The following TARBP1 variants were observed in gnomAD, a reference collection of about 807,000 sequenced individuals.
TARBP1 encodes the protein tRNA (guanosine(18)-2'-O)-methyltransferase TARBP1.
A neutral mutation model predicts 178.6 loss-of-function variants in TARBP1; 144 were observed. That is an observed-to-expected ratio of 0.81 (90% confidence interval 0.70 to 0.93). The LOEUF is 0.93. Ranked by LOEUF, TARBP1 falls within the 40% of genes least tolerant of loss-of-function variation. The probability of loss-of-function intolerance (pLI) is 0.00; values close to 1 mark genes in which losing one functional copy is unlikely to be tolerated. For synonymous variants in TARBP1, 787 were observed against 781.0 expected (o/e 1.01, Z -0.13); for missense variants, 2,067 against 2,011.7 (o/e 1.03, Z -0.53).
In TARBP1 at chr1:234,429,551, A is replaced by C. The variant is rs1276481749; in HGVS notation, c.2736T>G (p.Ser912Arg). 1 of 1,613,874 alleles carries C rather than the reference A, an allele frequency of 6.2e-7. No individual in the cohort carries two copies. The highest frequency in any genetic ancestry group is 1.3e-5 in the African/African-American group (1 of 74,818). The change falls in exon 16 of 30, where the codon AGT (serine) becomes AGG (arginine). Residue 912 changes from serine to arginine, a missense_variant. Ser to Arg is a moderately radical substitution (Grantham distance 110). Transcript: ENST00000040877. ...KYHTLIPTTGSEILEPFLPAV... is the reference protein window; with the variant it reads ...KYHTLIPTTGREILEPFLPAV... The stretch of plus-strand genomic sequence containing the variant: ...CAGGTAGAAACGGTTCCAGAATTTC[A>C]CTCCCTGTGGTTGGTATAAGGGTGT...
At chr1:234,416,764 G>T (rs1237853963) in intron 22 of TARBP1, among the ~76,000 whole-genome samples, 1 of 152,200 alleles carries the variant, frequency 6.6e-6, no homozygotes, top group Non-Finnish European at 1.5e-5. Context: ...AAAGACATCA[G>T]AAAGGGGAGC....
Position 234,472,828 on chromosome 1 carries a change from A to C in TARBP1, c.932-17T>G, listed in dbSNP as rs777791108. On this transcript the variant is annotated splice_polypyrimidine_tract_variant and intron_variant, in intron 1 of 29. Transcript: ENST00000040877. ...GACTTGGGCCTGATATGGTTTAAAA[A>C]AGAAAATTAGTTCTTCCTTTTGCAA... 2 of 1,564,040 alleles carry C rather than the reference A, an allele frequency of 1.3e-6. No homozygotes were observed. The highest frequency in any genetic ancestry group is 1.2e-5 in the South Asian group (1 of 83,368).
rs747602137 is a variant in TARBP1 at position 234,393,410 on chromosome 1, CTGTT to C, written c.4508_4511del (p.Lys1503SerfsTer15). ...CTGCAGAGACACTGAGGTGCTGAAA[CTGTT>C]TGTCGCTGATACACTGAAGGCTGCC... On this transcript the variant is annotated frameshift_variant, in exon 28 of 30. Transcript: ENST00000040877. LOFTEE classifies it high-confidence loss of function. 5 of 1,607,744 alleles carry C rather than the reference CTGTT, an allele frequency of 3.1e-6. No homozygotes were observed. The highest frequency in any genetic ancestry group is 1.1e-5 in the South Asian group (1 of 90,340).
chr1:234,425,079 G>A (rs955595764), intron 20 of TARBP1, among the ~76,000 whole-genome samples: 1 of 149,110 alleles, frequency 6.7e-6, no homozygotes, highest in African/African-American at 2.5e-5. Flanking sequence ...AAAAAAATTC[G>A]CTGGGCATAG....
chr1:234,450,375 T>C, intron 10 of TARBP1, 53 bp downstream of exon 10: 1 of 1,464,322 alleles, frequency 6.8e-7, no homozygotes, highest in Non-Finnish European at 9.2e-7. Flanking sequence ...TAGTTAAAAG[T>C]TCTTTGAAAA....
intron 14 of TARBP1, among the ~76,000 whole-genome samples, chr1:234,432,681 G>A (rs767561820): frequency 2.6e-5 from 4 of 152,156 alleles, no homozygotes; most frequent in Admixed American, 2.0e-4. Context: ...GGACCAGACT[G>A]AATGACAGCC....
Position 234,429,597 on chromosome 1 carries a change from G to C in TARBP1, c.2690C>G (p.Ser897Cys), listed in dbSNP as rs1664182550. 2 of 1,614,014 alleles carry C rather than the reference G, an allele frequency of 1.2e-6. No homozygotes were observed. The highest frequency in any genetic ancestry group is 1.3e-5 in the African/African-American group (1 of 74,910). Residue 897 changes from serine (S) to cysteine (C), a missense_variant, in exon 16 of 30, where the codon TCT becomes TGT. Ser to Cys is a moderately radical substitution (Grantham distance 112). Coordinates refer to ENST00000040877, the MANE Select transcript of TARBP1 (RefSeq NM_005646.4). ...GGTGTGATATTTTTTCAACAGGAAAGAGAGGCACACCCATTGATCATGAAT... is the reference window on the plus strand; with the variant it reads ...GGTGTGATATTTTTTCAACAGGAAACAGAGGCACACCCATTGATCATGAAT... Reference protein sequence around the residue: ...QYIHDQWVCLSFLLKKYHTLI... With the variant: ...QYIHDQWVCLCFLLKKYHTLI...
intron 20 of TARBP1, among the ~76,000 whole-genome samples, chr1:234,423,498 G>A (rs923107565): frequency 3.3e-5 from 5 of 152,114 alleles, no homozygotes; most frequent in South Asian, 4.2e-4. Context: ...GTCTCCACTC[G>A]CTAAACTCCC....
intron 1 of TARBP1, among the ~76,000 whole-genome samples, chr1:234,473,031 AT>A: frequency 6.6e-6 from 1 of 152,186 alleles, no homozygotes; most frequent in Middle Eastern, 3.4e-3. Flanking sequence ...AAAATGGCAG[AT>A]TTGCACATAT....
chr1:234,465,855 T>C (rs1290271787), intron 4 of TARBP1, 147 bp from the exon 5 acceptor site: 4 of 618,194 alleles, frequency 6.5e-6, no homozygotes, highest in Non-Finnish European at 1.0e-5. Context: ...AGGCTAAATT[T>C]AGTGCTGGTC....
chr1:234,453,329 GT>G lies in TARBP1; in HGVS notation c.1723-2764del, dbSNP rs374906747. Among the ~76,000 whole-genome samples the G allele has an allele frequency of 2.8e-3, 256 of 89,936 alleles. 1 individual carries two copies. Among genetic ancestry groups the G allele is most frequent in the Non-Finnish European group, 3.1e-3 (121 of 39,288 alleles). 59.0% of individuals were successfully genotyped at this position (89,936 alleles called of 152,430 possible). On this transcript the variant is annotated intron_variant, in intron 9 of 29. Coordinates refer to ENST00000040877, the MANE Select transcript of TARBP1 (RefSeq NM_005646.4). ...GAAACTCTCTGTACTTTTTTTGTGT[GT>G]TTTTTTTTTTTTTTACATTATTACT...
chr1:234,392,391 A>G (rs1216530643), intron 29 of TARBP1, 25 bp downstream of exon 29: 3 of 1,611,576 alleles, frequency 1.9e-6, no homozygotes, highest in Admixed American at 3.4e-5. Context: ...CAGAGAATAT[A>G]CTATGGACAC....
At chr1:234,462,486 C>A (rs539002447) in intron 6 of TARBP1, among the ~76,000 whole-genome samples, 1 of 152,190 alleles carries the variant, frequency 6.6e-6, no homozygotes, top group Admixed American at 6.5e-5. Flanking sequence ...GTCAAAACAT[C>A]GAGACCATAC....
Position 234,393,414 on chromosome 1 carries a change from T to C in TARBP1, c.4508A>G (p.Lys1503Arg), listed in dbSNP as rs1416721600. The C allele has an allele frequency of 6.2e-7, 1 of 1,608,560 alleles. No individual in the cohort carries two copies. Among genetic ancestry groups the C allele is most frequent in the Non-Finnish European group, 8.5e-7 (1 of 1,176,968 alleles). ...AGAGACACTGAGGTGCTGAAACTGT[T>C]TGTCGCTGATACACTGAAGGCTGCC... The part of the protein sequence containing the change: ...VVGSLQCISD[K>R]QFQHLSVSAE... Residue 1503 changes from lysine (K) to arginine (R), a missense_variant, in exon 28 of 30, where the codon AAA becomes AGA. Transcript: ENST00000040877.
At chr1:234,430,477 C>T (rs922614817) in intron 14 of TARBP1, among the ~76,000 whole-genome samples, 176 bp from the exon 15 acceptor site, 2 of 152,206 alleles carry the variant, frequency 1.3e-5, no homozygotes, top group Non-Finnish European at 2.9e-5. Flanking sequence ...CACTACTTCT[C>T]TACAGATTGG....
intron 24 of TARBP1, 75 bp downstream of exon 24, chr1:234,405,828 G>A (rs1015664341): frequency 3.6e-6 from 5 of 1,395,530 alleles, no homozygotes; most frequent in Non-Finnish European, 5.0e-6. Flanking sequence ...AGCTGACACA[G>A]TATGGGCACT....
intron 28 of TARBP1, among the ~76,000 whole-genome samples, chr1:234,392,967 C>T (rs1260459773): frequency 6.6e-6 from 1 of 152,140 alleles, no homozygotes; most frequent in Non-Finnish European, 1.5e-5. Context: ...GATCCGCCCG[C>T]CTCGGCCTCC....
rs188643117 is a variant in TARBP1, at chr1:234,391,808, T to C, written c.4698-63A>G. On this transcript the variant is annotated intron_variant, in intron 29 of 29. Transcript: ENST00000040877. The stretch of plus-strand genomic sequence containing the variant: ...AACAAACAATTTTTCTCTTTGATAT[T>C]CTTTTTATTTTTTGTTTATTCACTT... 1,408 of 1,500,024 alleles carry C rather than the reference T, an allele frequency of 9.4e-4. 8 individuals carry two copies. Among genetic ancestry groups the C allele is most frequent in the Non-Finnish European group, 6.0e-4 (667 of 1,108,204 alleles). The allele number at this position is 1,500,024 out of a possible 1,614,324, so 92.9% of individuals were successfully genotyped here.
rs141400629 is a variant in TARBP1, at chr1:234,459,235, C to A, written c.1627G>T (p.Asp543Tyr). The change falls in exon 8 of 30, where the codon GAT becomes TAT. Residue 543 changes from aspartate (D) to tyrosine (Y), a missense_variant. Asp to Tyr is a radical substitution (Grantham distance 160). Coordinates refer to ENST00000040877, the MANE Select transcript of TARBP1 (RefSeq NM_005646.4). ...GTAACAAAAGAAAAACTTACCACAT[C>A]TAGCAAATTCATAGCTGTTTGAAGA... is the stretch of plus-strand genomic sequence containing the variant. ...YLLQTAMNLL[D>Y]VEKVSLSDVS... is the part of the protein sequence containing the mutation. 335 of 1,608,166 alleles carry A rather than the reference C, an allele frequency of 2.1e-4. 3 individuals are homozygous for A. In the East Asian group the frequency reaches 6.3e-3, roughly 30 times the overall value.
Sources: allele counts gnomAD v4.1 joint callset (sites outside exome capture counted in the v4.1 genomes callset), GRCh38; gene constraint gnomAD v4.1.1; transcripts MANE v1.5; gene names NCBI Gene and HGNC (gene_info 2026-07-23, HGNC 2026-07-21).